Variants in COLGALT2 observed in about 807,000 individuals in gnomAD.
The protein encoded by COLGALT2 is collagen beta(1-O)galactosyltransferase 2.
A neutral mutation model predicts 73.4 loss-of-function variants in COLGALT2; 49 were observed. The observed-to-expected ratio is 0.67, with a 90% confidence interval of 0.53 to 0.85. COLGALT2 has a LOEUF of 0.85. Among genes scored for constraint, COLGALT2 ranks in the 40% least tolerant of loss-of-function variants. COLGALT2 has a pLI of 0.00. For synonymous variants in COLGALT2, 295 were observed against 307.6 expected, an observed-to-expected ratio of 0.96 and a Z score of 0.43; for missense variants, 722 against 790.2, an observed-to-expected ratio of 0.91 and a Z score of 1.03.
Position 183,935,951 on chromosome 1 carries a change from C to G in COLGALT2, c.*2810G>C. ...TGATGCAGGGGAACGGGTGTCCACT[C>G]TTTCTTGTTCTCAGAGCTCCTGCAG... On this transcript the variant is annotated 3_prime_UTR_variant, in exon 12 of 12. Transcript: ENST00000361927. 1 of 985,474 alleles carries G rather than the reference C, an allele frequency of 1.0e-6. No individual in the cohort carries two copies. The highest frequency in any genetic ancestry group is 1.2e-6 in the Non-Finnish European group (1 of 829,960). 61.0% of individuals were successfully genotyped at this position (985,474 alleles called of 1,614,324 possible). A position where few individuals can be genotyped will look rare whatever the true frequency, so the allele number is the denominator to read the frequency against.
In COLGALT2 at chr1:184,037,347, C is replaced by G. The variant is rs1269615781; in HGVS notation, c.11G>C (p.Arg4Pro). The stretch of plus-strand genomic sequence containing the variant: ...CGACCAGGCGAGGGTGGCAGCAGGG[C>G]GCGCAGCCATGTTCCGGGCCGAGGC... MAA[R>P]PAATLAWSLL... is the part of the protein sequence containing the mutation. The change falls in exon 1 of 12, where the codon CGC becomes CCC. Residue 4 changes from arginine to proline, a missense_variant. Transcript: ENST00000361927. The G allele has an allele frequency of 2.7e-6, 4 of 1,482,806 alleles. 1 individual carries two copies. In the South Asian group the frequency reaches 3.8e-5, roughly 14 times the overall value. 91.9% of individuals were successfully genotyped at this position (1,482,806 alleles called of 1,614,324 possible). A position where few individuals can be genotyped will look rare whatever the true frequency, so the allele number is the denominator to read the frequency against.
chr1:183,985,162 T>G (rs1453520225), intron 1 of COLGALT2, among the ~76,000 whole-genome samples: 2 of 152,240 alleles, frequency 1.3e-5, no homozygotes, highest in Non-Finnish European at 2.9e-5. Flanking sequence ...CTACTGAGGT[T>G]GTTAGGGCTA....
intron 1 of COLGALT2, among the ~76,000 whole-genome samples, chr1:183,984,400 G>C (rs1175070499): frequency 6.6e-6 from 1 of 152,168 alleles, no homozygotes; most frequent in East Asian, 1.9e-4. Context: ...GTGAGATTCT[G>C]TCTCAAAAGA....
chr1:183,937,108 A>G lies in COLGALT2; in HGVS notation c.*1653T>C. 3 of 1,230,476 alleles carry G rather than the reference A, an allele frequency of 2.4e-6. No homozygotes were observed. The highest frequency in any genetic ancestry group is 1.0e-6 in the Non-Finnish European group (1 of 987,702). The allele number at this position is 1,230,476 out of a possible 1,614,324, so 76.2% of individuals were successfully genotyped here. On this transcript the variant is annotated 3_prime_UTR_variant, in exon 12 of 12. Coordinates refer to ENST00000361927, the MANE Select transcript of COLGALT2 (RefSeq NM_015101.4). ...GTGTCTGGCTTAAAGTGTATCTTAC[A>G]CTCGTACACTAAGCTTGTGTATGTA...
chr1:184,022,128 T>C (rs1649197231), intron 1 of COLGALT2, among the ~76,000 whole-genome samples: 1 of 152,224 alleles, frequency 6.6e-6, no homozygotes, highest in Non-Finnish European at 1.5e-5. Flanking sequence ...GTTATCTGTC[T>C]GGATTTTTTA....
intron 4 of COLGALT2, among the ~76,000 whole-genome samples, chr1:183,971,343 T>C (rs1671031476): frequency 6.6e-6 from 1 of 152,248 alleles, no homozygotes; most frequent in Non-Finnish European, 1.5e-5. Context: ...ATAATACTTG[T>C]CCCTAAGTTG....
At chr1:183,964,199 A>T (rs1670801577) in intron 5 of COLGALT2, 179 bp from the exon 6 acceptor site, 1 of 522,540 alleles carries the variant, frequency 1.9e-6, no homozygotes, top group Non-Finnish European at 3.3e-6. Flanking sequence ...AGTAAAACAC[A>T]GCATTGGGGA....
At chr1:184,001,050 T>G (rs1409581187) in intron 1 of COLGALT2, among the ~76,000 whole-genome samples, 2 of 151,934 alleles carry the variant, frequency 1.3e-5, no homozygotes, top group Non-Finnish European at 2.9e-5. Context: ...AGCCAGGATG[T>G]TCTCGGTCTC....
intron 6 of COLGALT2, 123 bp downstream of exon 6, chr1:183,963,778 A>G: frequency 3.0e-6 from 3 of 1,001,992 alleles, no homozygotes; most frequent in African/African-American, 1.6e-5. Flanking sequence ...ATAAATAGCT[A>G]TGTATTCAGC....
At chr1:184,019,929 C>A (rs544781794) in intron 1 of COLGALT2, among the ~76,000 whole-genome samples, 52 of 152,282 alleles carry the variant, frequency 3.4e-4, no homozygotes, top group Non-Finnish European at 3.7e-4. Context: ...CGCAGTGATG[C>A]ATGCTGTAAA....
chr1:184,014,294 T>C (rs1648928433), intron 1 of COLGALT2, among the ~76,000 whole-genome samples: 2 of 151,928 alleles, frequency 1.3e-5, no homozygotes, highest in Admixed American at 1.3e-4. Flanking sequence ...AGAAGAAAAT[T>C]AGGAAGGTGG....
intron 1 of COLGALT2, among the ~76,000 whole-genome samples, chr1:184,008,428 A>G (rs1672139964): frequency 6.6e-6 from 1 of 152,264 alleles, no homozygotes; most frequent in Non-Finnish European, 1.5e-5. Flanking sequence ...TGTAGATTGT[A>G]GATGAAAGTA....
intron 1 of COLGALT2, among the ~76,000 whole-genome samples, chr1:183,996,303 G>T (rs928195453): frequency 1.3e-5 from 2 of 152,178 alleles, no homozygotes; most frequent in Non-Finnish European, 2.9e-5. Flanking sequence ...AAAAGAGAAG[G>T]CAGAAAGCTG....
At chr1:184,014,059 G>A (rs1411721398) in intron 1 of COLGALT2, among the ~76,000 whole-genome samples, 1 of 152,208 alleles carries the variant, frequency 6.6e-6, no homozygotes, top group Admixed American at 6.5e-5. Flanking sequence ...ACATGAAAAT[G>A]TCAGGAGATC....
intron 1 of COLGALT2, among the ~76,000 whole-genome samples, chr1:184,028,084 T>C (rs1432138581): frequency 1.3e-5 from 2 of 152,118 alleles, no homozygotes; most frequent in African/African-American, 4.8e-5. Context: ...GTGTAAACCA[T>C]AATCATTGTG....
intron 5 of COLGALT2, among the ~76,000 whole-genome samples, chr1:183,968,507 G>T (rs765369909): frequency 6.6e-6 from 1 of 152,206 alleles, no homozygotes; most frequent in Admixed American, 6.5e-5. Context: ...ACTGTTCGGT[G>T]CCTCTTTATC....
At chr1:184,026,162 T>C (rs559784218) in intron 1 of COLGALT2, among the ~76,000 whole-genome samples, 59 of 152,238 alleles carry the variant, frequency 3.9e-4, no homozygotes, top group Middle Eastern at 6.8e-3. Context: ...GATAGCGTAT[T>C]TGCACACTAG....
At chr1:183,930,569 C>CTTTTTTTTTTTTTTTTTTTTTTT (rs397861890) in intron 11 of COLGALT2, among the ~76,000 whole-genome samples, 1 of 114,066 alleles carries the variant, frequency 8.8e-6, no homozygotes, top group African/African-American at 3.4e-5. Flanking sequence ...TTTTCTTTTT[C>CTTTTTTTTTTTTTTTTTTTTTTT]TTTTTTTTTT....
chr1:184,017,504 A>G (rs1417422335), intron 1 of COLGALT2, among the ~76,000 whole-genome samples: 1 of 152,152 alleles, frequency 6.6e-6, no homozygotes, highest in African/African-American at 2.4e-5. Flanking sequence ...TACATATGGA[A>G]GTAACTATAA....
Sources: allele counts gnomAD v4.1 joint callset (sites outside exome capture counted in the v4.1 genomes callset), GRCh38; gene constraint gnomAD v4.1.1; transcripts MANE v1.5; gene names NCBI Gene and HGNC (gene_info 2026-07-23, HGNC 2026-07-21).